The following GNG12 variants were observed in gnomAD, a reference collection of about 807,000 sequenced individuals.
GNG12 encodes the protein G protein subunit gamma 12, also known as guanine nucleotide-binding protein G(I)/G(S)/G(O) subunit gamma-12.
For synonymous variants in GNG12, 28 were observed against 29.7 expected (o/e 0.94, Z 0.19); for missense variants, 69 against 83.8 (o/e 0.82, Z 0.69).
chr1:67,815,790 G>A (rs2100814675), intron 1 of GNG12, among the ~76,000 whole-genome samples: 1 of 152,232 alleles, frequency 6.6e-6, no homozygotes, highest in South Asian at 2.1e-4. Flanking sequence ...TCCGTAACTA[G>A]ATGAGGAAAT....
chr1:67,822,127 G>C (rs1050861444), intron 1 of GNG12, among the ~76,000 whole-genome samples: 12 of 151,840 alleles, frequency 7.9e-5, no homozygotes, highest in Admixed American at 4.6e-4. Context: ...ATTTGTATTG[G>C]GCCGCATTCA....
intron 1 of GNG12, among the ~76,000 whole-genome samples, chr1:67,787,150 C>G (rs566857633): frequency 9.9e-5 from 15 of 151,408 alleles, no homozygotes; most frequent in African/African-American, 3.6e-4. Context: ...GGCACATAAT[C>G]TAATCGCAGT....
chr1:67,762,333 G>A (rs1433239153), intron 2 of GNG12, among the ~76,000 whole-genome samples: 1 of 152,094 alleles, frequency 6.6e-6, no homozygotes, highest in Non-Finnish European at 1.5e-5. Context: ...TACGTACTCA[G>A]TACCTAGCTA....
chr1:67,826,100 A>G (rs1312326741), intron 1 of GNG12, among the ~76,000 whole-genome samples: 5 of 151,822 alleles, frequency 3.3e-5, no homozygotes, highest in East Asian at 3.8e-4. Flanking sequence ...ATGTTTCCCA[A>G]TAAAGCCTGA....
At chr1:67,787,860 A>T (rs1225421424) in intron 1 of GNG12, among the ~76,000 whole-genome samples, 2 of 152,208 alleles carry the variant, frequency 1.3e-5, no homozygotes, top group Non-Finnish European at 2.9e-5. Context: ...TGACTAGGAA[A>T]AACCAACTCA....
chr1:67,746,936 GT>G (rs903091427), intron 2 of GNG12, among the ~76,000 whole-genome samples: 105 of 149,082 alleles, frequency 7.0e-4, no homozygotes, highest in Admixed American at 1.9e-3. Context: ...AAAAGTGTGT[GT>G]TTTTTTTTTC....
At chr1:67,735,746 G>C (rs1036963785) in intron 2 of GNG12, among the ~76,000 whole-genome samples, 1 of 152,146 alleles carries the variant, frequency 6.6e-6, no homozygotes, top group Non-Finnish European at 1.5e-5. Context: ...ACTAACAACA[G>C]TGAAGCTCCT....
intron 2 of GNG12, among the ~76,000 whole-genome samples, chr1:67,772,992 G>T (rs906993788): frequency 1.3e-5 from 2 of 152,200 alleles, no homozygotes; most frequent in Non-Finnish European, 2.9e-5. Flanking sequence ...AAAGATAATG[G>T]CCTGATGATA....
intron 2 of GNG12, among the ~76,000 whole-genome samples, chr1:67,768,511 TA>T (rs1270159685): frequency 6.6e-6 from 1 of 152,246 alleles, no homozygotes; most frequent in Non-Finnish European, 1.5e-5. Context: ...TCCAAGGCTT[TA>T]AAGGTTTTTA....
At chr1:67,729,596 G>A (rs3753367) in intron 2 of GNG12, among the ~76,000 whole-genome samples, 65,116 of 151,944 alleles carry the variant, frequency 0.43, 15,438 homozygotes, top group South Asian at 0.55. Flanking sequence ...GGAGATGATG[G>A]CAATGGCCTT....
At chr1:67,792,751 G>C (rs1422985293) in intron 1 of GNG12, among the ~76,000 whole-genome samples, 16 of 152,168 alleles carry the variant, frequency 1.1e-4, no homozygotes, top group Admixed American at 1.0e-3. Context: ...GTTCCATGCA[G>C]TTTGGGCCTA....
intron 3 of GNG12, among the ~76,000 whole-genome samples, chr1:67,706,907 G>T (rs573081931): frequency 6.6e-6 from 1 of 152,044 alleles, no homozygotes; most frequent in Non-Finnish European, 1.5e-5. Context: ...TGATCTGCCC[G>T]CCTCGGCCTC....
intron 2 of GNG12, among the ~76,000 whole-genome samples, chr1:67,776,670 T>C (rs1306310211): frequency 2.0e-5 from 3 of 152,156 alleles, no homozygotes; most frequent in African/African-American, 4.8e-5. Flanking sequence ...GAACTGCAGC[T>C]ACCTGTAGAT....
chr1:67,817,145 CATA>C (rs2100816428), intron 1 of GNG12, among the ~76,000 whole-genome samples: 1 of 152,278 alleles, frequency 6.6e-6, no homozygotes, highest in East Asian at 1.9e-4. Context: ...GATAAAGCTA[CATA>C]ATTCAATGTA....
chr1:67,830,569 C>A (rs1490017435), intron 1 of GNG12, among the ~76,000 whole-genome samples: 1 of 152,136 alleles, frequency 6.6e-6, no homozygotes, highest in South Asian at 2.1e-4. Flanking sequence ...TACTTCTGTT[C>A]CTGGCTTAAT....
chr1:67,816,713 G>T lies in GNG12; in HGVS notation c.-77+16631C>A, dbSNP rs1048487317. ...AGGACTGACTCCTGCGTACTCAGCC[G>T]TCCTCCCAGGACAGGTAGGGCCCGG... is the stretch of plus-strand genomic sequence containing the variant. On this transcript the variant is annotated intron_variant, in intron 1 of 3. Transcript: ENST00000370982. Among the ~76,000 whole-genome samples, 3 of 152,124 alleles carry T rather than the reference G, an allele frequency of 2.0e-5. No individual in the cohort carries two copies. In the East Asian group the frequency reaches 5.8e-4, roughly 29 times the overall value.
At chr1:67,798,045 T>C (rs933057658) in intron 1 of GNG12, among the ~76,000 whole-genome samples, 12 of 152,188 alleles carry the variant, frequency 7.9e-5, no homozygotes, top group African/African-American at 2.7e-4. Flanking sequence ...CAAGAACTTA[T>C]AGGAGGTTCC....
chr1:67,822,653 T>C (rs1646990705), intron 1 of GNG12, among the ~76,000 whole-genome samples: 1 of 152,224 alleles, frequency 6.6e-6, no homozygotes, highest in Non-Finnish European at 1.5e-5. Context: ...GGATTTTTCA[T>C]GGGCCACTCA....
intron 2 of GNG12, among the ~76,000 whole-genome samples, chr1:67,774,452 C>T (rs534471216): frequency 6.6e-6 from 1 of 152,318 alleles, no homozygotes; most frequent in Non-Finnish European, 1.5e-5. Flanking sequence ...AGGAAACAAA[C>T]CAGATGGTGA....
Sources: allele counts gnomAD v4.1 joint callset (sites outside exome capture counted in the v4.1 genomes callset), GRCh38; gene constraint gnomAD v4.1.1; transcripts MANE v1.5; gene names NCBI Gene and HGNC (gene_info 2026-07-23, HGNC 2026-07-21).